Variants in PHTF2 observed in about 807,000 individuals in gnomAD.
PHTF2 encodes the protein putative homeodomain transcription factor 2, also known as protein PHTF2.
PHTF2 carries 60 observed loss-of-function variants against 101.2 expected under a neutral mutation model. The ratio of observed to expected loss-of-function variants is 0.59; its 90% CI spans 0.48 to 0.73. PHTF2 has a LOEUF of 0.73. Ranked by LOEUF, PHTF2 falls within the 30% of genes least tolerant of loss-of-function variation. The pLI, the probability that PHTF2 is intolerant of heterozygous loss-of-function variation, is 0.00. For synonymous variants in PHTF2, 311 were observed against 307.3 expected (o/e 1.01, Z -0.13); for missense variants, 747 against 908.7 (o/e 0.82, Z 2.29).
chr7:77,929,024 T>A lies in PHTF2; in HGVS notation c.1120-85T>A. On this transcript the variant is annotated intron_variant, in intron 11 of 19. Transcript: ENST00000416283. ...GTGTATTTGTTGTTTTAGCAAAAAG[T>A]ATCAATATATGGGTTCTGATAGTAT... 3 of 917,358 alleles carry A rather than the reference T, an allele frequency of 3.3e-6. No homozygotes were observed. The South Asian group carries it at 5.0e-5, about 15-fold the overall frequency. The allele number at this position is 917,358 out of a possible 1,614,324, so 56.8% of individuals were successfully genotyped here.
chr7:77,951,761 CAT>C, intron 18 of PHTF2, 49 bp downstream of exon 17: 1 of 780,098 alleles, frequency 1.3e-6, no homozygotes, highest in Non-Finnish European at 2.0e-6. Flanking sequence ...GCTGTTCTGA[CAT>C]AATTTTATTT....
At chr7:77,820,536 G>A (rs1794201724) in intron 1 of PHTF2, among the ~76,000 whole-genome samples, 1 of 151,892 alleles carries the variant, frequency 6.6e-6, no homozygotes, top group Admixed American at 6.6e-5. Context: ...GTGTGCGTGT[G>A]TGTGTGTTTG....
intron 1 of PHTF2, among the ~76,000 whole-genome samples, chr7:77,804,737 A>C (rs1051294020): frequency 5.9e-5 from 9 of 152,188 alleles, no homozygotes; most frequent in Non-Finnish European, 8.8e-5. Flanking sequence ...TCTATCTACT[A>C]ATATCTATCT....
At chr7:77,873,381 C>G (rs1411787147) in intron 3 of PHTF2, among the ~76,000 whole-genome samples, 1 of 152,170 alleles carries the variant, frequency 6.6e-6, no homozygotes, top group African/African-American at 2.4e-5. Flanking sequence ...CTGCAGATTT[C>G]TATTTATATA....
intron 9 of PHTF2, among the ~76,000 whole-genome samples, chr7:77,916,424 T>G (rs17159441): frequency 0.049 from 7,395 of 152,318 alleles, 265 homozygotes; most frequent in South Asian, 0.15. Flanking sequence ...ATGAGTCATA[T>G]AGCAATCAGT....
intron 11 of PHTF2, chr7:77,923,908 CTTTTAAATTAAAAGGTT>C (rs1487248963): frequency 1.0e-6 from 1 of 965,618 alleles, no homozygotes; most frequent in Non-Finnish European, 1.2e-6. Flanking sequence ...TACCTATTAA[CTTTTAAATTAAAAGGTT>C]GTTTAAAATC....
intron 3 of PHTF2, among the ~76,000 whole-genome samples, chr7:77,885,176 C>T (rs1187256816): frequency 1.3e-5 from 2 of 152,042 alleles, no homozygotes; most frequent in African/African-American, 2.4e-5. Flanking sequence ...TTACCGTAGC[C>T]TCGAACTCCT....
exon 20 of PHTF2, chr7:77,955,572 A>G (rs116971342): frequency 0.022 from 3,371 of 152,712 alleles, 53 homozygotes; most frequent in Middle Eastern, 0.071. Context: ...CACAGCTCCA[A>G]CTGTGCATGC....
At chr7:77,905,231 A>G (rs1346872738) in intron 7 of PHTF2, among the ~76,000 whole-genome samples, 1 of 151,890 alleles carries the variant, frequency 6.6e-6, no homozygotes, top group African/African-American at 2.4e-5. Context: ...ATTCTATTCT[A>G]TTCTGTTTTT....
At chr7:77,799,191 C>T (rs1261620941) in intron 1 of PHTF2, among the ~76,000 whole-genome samples, 3 of 152,264 alleles carry the variant, frequency 2.0e-5, no homozygotes, top group Admixed American at 6.5e-5. Context: ...ATCAGTCGGC[C>T]GGTGGCGGAG....
intron 4 of PHTF2, 88 bp downstream of exon 3, chr7:77,893,752 T>C: frequency 1.5e-6 from 1 of 652,500 alleles, no homozygotes; most frequent in Non-Finnish European, 2.7e-6. Flanking sequence ...TAATATACTT[T>C]TAAGATATAA....
intron 1 of PHTF2, among the ~76,000 whole-genome samples, chr7:77,821,512 T>C (rs1794289582): frequency 6.6e-6 from 1 of 152,012 alleles, no homozygotes; most frequent in South Asian, 2.1e-4. Context: ...TTCTCAGGTT[T>C]GGGACATGGG....
At chr7:77,815,331 C>T (rs948031214) in intron 1 of PHTF2, among the ~76,000 whole-genome samples, 7 of 151,868 alleles carry the variant, frequency 4.6e-5, no homozygotes, top group South Asian at 2.1e-4. Context: ...GATTTGCATA[C>T]GAAATCTATG....
At chr7:77,910,409 G>T in exon 9 of PHTF2, 2 of 1,609,918 alleles carry the variant, frequency 1.2e-6, no homozygotes, top group Non-Finnish European at 1.7e-6. Context: ...TTTTTATCAG[G>T]GTTTGTATTT....
Position 77,928,357 on chromosome 7 carries a change from T to G in PHTF2, c.1120-752T>G, listed in dbSNP as rs149448389. Reference sequence around the variant, plus strand: ...AGAAATTACTTAACTTGTTTTAATTTTTTACTTTTATACCACAGATTATCT... The same window carrying G: ...AGAAATTACTTAACTTGTTTTAATTGTTTACTTTTATACCACAGATTATCT... On this transcript the variant is annotated intron_variant, in intron 11 of 19. Transcript: ENST00000416283. Among the ~76,000 whole-genome samples the G allele has an allele frequency of 7.2e-5, 11 of 152,336 alleles. No individual in the cohort carries two copies. The East Asian group carries it at 2.1e-3, about 29-fold the overall frequency.
chr7:77,854,888 C>T, intron 3 of PHTF2: 2 of 714,064 alleles, frequency 2.8e-6, no homozygotes, highest in East Asian at 2.6e-5. Context: ...TTTGCTCTGG[C>T]CCATGCTGGG....
chr7:77,891,404 C>T (rs899194527), intron 3 of PHTF2, among the ~76,000 whole-genome samples: 2 of 152,064 alleles, frequency 1.3e-5, no homozygotes, highest in African/African-American at 2.4e-5. Context: ...AACTAGTCAC[C>T]GCAGGTCACC....
rs189124757 is a variant in PHTF2 at position 77,901,855 on chromosome 7, G to A, written c.380G>A (p.Arg127Gln). The stretch of plus-strand genomic sequence containing the variant: ...GTTGTATTTTTCCCCTTTTTCTTCC[G>A]GTGGTGGTTACAAGTAACATCAAAG... Residue 127 changes from arginine (R) to glutamine (Q), a missense_variant, in exon 7 of 20, where the codon CGG becomes CAG. Arg to Gln is a conservative substitution (Grantham distance 43). Transcript: ENST00000416283. 17 of 1,602,140 alleles carry A rather than the reference G, an allele frequency of 1.1e-5. No individual in the cohort carries two copies. The highest frequency in any genetic ancestry group is 5.4e-5 in the African/African-American group (4 of 74,712).
At chr7:77,840,375 A>G in intron 2 of PHTF2, 75 bp downstream of exon 2, 1 of 884,598 alleles carries the variant, frequency 1.1e-6, no homozygotes, top group African/African-American at 1.7e-5. Flanking sequence ...CATGCTATAG[A>G]TGTTAGGATT....
Sources: allele counts gnomAD v4.1 joint callset (sites outside exome capture counted in the v4.1 genomes callset), GRCh38; gene constraint gnomAD v4.1.1; transcripts MANE v1.5; gene names NCBI Gene and HGNC (gene_info 2026-07-23, HGNC 2026-07-21).